ROBO1: variants seen among roughly 807,000 people sequenced by gnomAD.
ROBO1 encodes roundabout guidance receptor 1.
Under a neutral mutation model 195.9 loss-of-function variants are expected in ROBO1, and 149 were observed. The observed-to-expected ratio is 0.76, with a 90% confidence interval of 0.67 to 0.87. ROBO1 has a LOEUF of 0.87. Among genes scored for constraint, ROBO1 ranks in the 40% least tolerant of loss-of-function variants. ROBO1 has a pLI of 0.00. For synonymous variants in ROBO1, 816 were observed against 733.2 expected (o/e 1.11, Z -1.82); for missense variants, 1,933 against 2,068.3 (o/e 0.93, Z 1.27).
intron 1 of ROBO1, among the ~76,000 whole-genome samples, chr3:79,732,350 A>T (rs1703188891): frequency 6.7e-6 from 1 of 149,024 alleles, no homozygotes; most frequent in Non-Finnish European, 1.5e-5. Context: ...TACACAATTT[A>T]AAAAAGATAT....
At chr3:78,633,677 A>C (rs1037830850) in intron 24 of ROBO1, among the ~76,000 whole-genome samples, 1 of 152,192 alleles carries the variant, frequency 6.6e-6, no homozygotes, top group Non-Finnish European at 1.5e-5. Context: ...TTAACCAGAC[A>C]TGTTTCTTCT....
intron 2 of ROBO1, among the ~76,000 whole-genome samples, chr3:79,362,974 C>T (rs907143959): frequency 3.3e-5 from 5 of 152,086 alleles, no homozygotes; most frequent in Admixed American, 3.3e-4. Context: ...CTAAAAATGC[C>T]ACACTTTCTC....
At chr3:79,404,370 A>G (rs2037469044) in intron 2 of ROBO1, among the ~76,000 whole-genome samples, 1 of 152,128 alleles carries the variant, frequency 6.6e-6, no homozygotes, top group Non-Finnish European at 1.5e-5. Flanking sequence ...CTTTGTACAT[A>G]TGGGTGTATA....
intron 2 of ROBO1, among the ~76,000 whole-genome samples, chr3:79,351,834 A>C (rs537504509): frequency 1.6e-4 from 25 of 152,194 alleles, no homozygotes; most frequent in African/African-American, 6.0e-4. Flanking sequence ...TGGGAAATTA[A>C]AAGGAGGGCA....
intron 25 of ROBO1, among the ~76,000 whole-genome samples, chr3:78,630,447 T>C (rs1056644363): frequency 6.6e-6 from 1 of 152,220 alleles, no homozygotes; most frequent in African/African-American, 2.4e-5. Flanking sequence ...CTTCTCTGTG[T>C]GTGGAGAATG....
chr3:79,318,202 C>T (rs1051119048), intron 2 of ROBO1, among the ~76,000 whole-genome samples: 9 of 152,180 alleles, frequency 5.9e-5, no homozygotes, highest in East Asian at 1.9e-4. Context: ...AAACATTAAT[C>T]TCATCCAAAT....
At chr3:79,462,676 C>T (rs1389373537) in intron 2 of ROBO1, among the ~76,000 whole-genome samples, 1 of 152,158 alleles carries the variant, frequency 6.6e-6, no homozygotes, top group Admixed American at 6.6e-5. Context: ...TCCTTCAGTG[C>T]ACCATTAGGG....
intron 3 of ROBO1, among the ~76,000 whole-genome samples, chr3:79,050,912 G>T (rs113345813): frequency 6.6e-6 from 1 of 152,126 alleles, no homozygotes; most frequent in Admixed American, 6.6e-5. Context: ...TGAAAGCAGC[G>T]TGTAGAGGGA....
chr3:78,775,693 T>C (rs2108451712), intron 4 of ROBO1, among the ~76,000 whole-genome samples: 1 of 152,362 alleles, frequency 6.6e-6, no homozygotes, highest in African/African-American at 2.4e-5. Context: ...TGCCTTATTT[T>C]CTTCAGTGCA....
At chr3:78,755,084 T>A (rs1054331954) in intron 4 of ROBO1, among the ~76,000 whole-genome samples, 17 of 152,154 alleles carry the variant, frequency 1.1e-4, no homozygotes, top group African/African-American at 4.1e-4. Flanking sequence ...GAGAAGCCAC[T>A]GGAGTCTTAA....
chr3:79,240,189 G>GT (rs111902535), intron 2 of ROBO1, among the ~76,000 whole-genome samples: 8 of 152,238 alleles, frequency 5.3e-5, no homozygotes, highest in African/African-American at 1.7e-4. Context: ...TTATACAATA[G>GT]TTTTTTAGAT....
At chr3:79,055,804 C>T (rs1489179820) in intron 3 of ROBO1, among the ~76,000 whole-genome samples, 3 of 152,044 alleles carry the variant, frequency 2.0e-5, no homozygotes, top group Non-Finnish European at 2.9e-5. Flanking sequence ...GCGGCCGCTG[C>T]CATGCCTCCT....
chr3:79,303,228 G>A (rs754175617), intron 2 of ROBO1, among the ~76,000 whole-genome samples: 7 of 144,670 alleles, frequency 4.8e-5, no homozygotes, highest in Non-Finnish European at 6.0e-5. Flanking sequence ...GCGCAGTGGC[G>A]CCATCGTGGC....
intron 4 of ROBO1, among the ~76,000 whole-genome samples, chr3:78,785,101 G>C (rs1341534518): frequency 6.6e-6 from 1 of 152,168 alleles, no homozygotes; most frequent in Non-Finnish European, 1.5e-5. Flanking sequence ...GCTGTGCTCA[G>C]ATACATGACT....
At chr3:79,357,751 ATG>A (rs151272257) in intron 2 of ROBO1, among the ~76,000 whole-genome samples, 272 of 152,220 alleles carry the variant, frequency 1.8e-3, no homozygotes, top group African/African-American at 6.3e-3. Context: ...ACTTTGTTTT[ATG>A]TGAGTCTCAT....
intron 2 of ROBO1, among the ~76,000 whole-genome samples, chr3:79,447,758 T>C (rs187119837): frequency 6.6e-6 from 1 of 152,282 alleles, no homozygotes; most frequent in Non-Finnish European, 1.5e-5. Flanking sequence ...TTGTTTATTT[T>C]TCTATTCCTA....
chr3:79,386,551 G>A (rs2036754158), intron 2 of ROBO1, among the ~76,000 whole-genome samples: 1 of 152,120 alleles, frequency 6.6e-6, no homozygotes, highest in Non-Finnish European at 1.5e-5. Context: ...AAAGATGACT[G>A]AGGGATGCTT....
intron 3 of ROBO1, among the ~76,000 whole-genome samples, chr3:79,108,217 G>A (rs1039824683): frequency 1.3e-5 from 2 of 151,558 alleles, no homozygotes; most frequent in African/African-American, 2.4e-5. Flanking sequence ...AAGATACATC[G>A]ACATAAATGT....
chr3:79,210,960 A>T (rs1467756505), intron 2 of ROBO1, among the ~76,000 whole-genome samples: 2 of 152,138 alleles, frequency 1.3e-5, no homozygotes, highest in African/African-American at 4.8e-5. Flanking sequence ...CTCTGGAATT[A>T]AATTGTGCTT....
Sources: allele counts gnomAD v4.1 joint callset (sites outside exome capture counted in the v4.1 genomes callset), GRCh38; gene constraint gnomAD v4.1.1; transcripts MANE v1.5; gene names NCBI Gene and HGNC (gene_info 2026-07-23, HGNC 2026-07-21).